Variants in CTTNBP2 observed in about 807,000 individuals in gnomAD.
CTTNBP2 encodes the protein cortactin binding protein 2, also known as cortactin-binding protein 2.
A neutral mutation model predicts 156.9 loss-of-function variants in CTTNBP2; 108 were observed. The observed-to-expected ratio is 0.69, with a 90% CI of 0.59 to 0.81. The LOEUF (loss-of-function observed/expected upper bound fraction) is 0.81, where lower values mean the gene tolerates loss of function less well. CTTNBP2 is among the 30% of genes least tolerant of loss of function. The pLI is 0.00. For synonymous variants in CTTNBP2, 767 were observed against 751.8 expected (o/e 1.02, Z -0.33); for missense variants, 1,924 against 2,035.4 (o/e 0.95, Z 1.05).
chr7:117,844,682 TTGA>T (rs2117154399), intron 2 of CTTNBP2, among the ~76,000 whole-genome samples: 1 of 152,232 alleles, frequency 6.6e-6, no homozygotes, highest in East Asian at 1.9e-4. Flanking sequence ...GAGGAAAAAC[TTGA>T]TGATATCTGA....
chr7:117,869,653 G>T (rs889690694), intron 1 of CTTNBP2, among the ~76,000 whole-genome samples: 6 of 152,116 alleles, frequency 3.9e-5, no homozygotes, highest in African/African-American at 1.2e-4. Flanking sequence ...TCTAGCCCAG[G>T]CATGGATTCA....
At chr7:117,757,528 TAAAAAAAAAAAAA>T (rs56687697) in intron 11 of CTTNBP2, among the ~76,000 whole-genome samples, 2 of 91,436 alleles carry the variant, frequency 2.2e-5, no homozygotes, top group African/African-American at 3.8e-5. Flanking sequence ...TTAAGCACAG[TAAAAAAAAAAAAA>T]AAAAAAAAAA....
At chr7:117,722,337 C>A (rs1332961242) in intron 19 of CTTNBP2, among the ~76,000 whole-genome samples, 6 of 151,060 alleles carry the variant, frequency 4.0e-5, no homozygotes, top group African/African-American at 2.4e-5. Context: ...AAAAATTTAC[C>A]ATTATAAAAA....
At chr7:117,853,776 C>T (rs564565326) in intron 2 of CTTNBP2, among the ~76,000 whole-genome samples, 1 of 152,242 alleles carries the variant, frequency 6.6e-6, no homozygotes, top group East Asian at 1.9e-4. Flanking sequence ...GTGTGTTCTC[C>T]TTACATATAT....
chr7:117,722,792 T>C (rs1015389955), intron 19 of CTTNBP2, among the ~76,000 whole-genome samples: 1 of 152,318 alleles, frequency 6.6e-6, no homozygotes. Context: ...TACCCATAGA[T>C]CACTGCACGT....
In CTTNBP2 at chr7:117,873,315, C is replaced by A. The variant is rs1291970499; in HGVS notation, c.81+20G>T. 1.7e-5 allele frequency: 25 copies of A among 1,430,000 alleles called. No individual in the cohort carries two copies. The highest frequency in any genetic ancestry group is 2.1e-5 in the Non-Finnish European group (23 of 1,094,980). The allele number at this position is 1,430,000 out of a possible 1,614,324, so 88.6% of individuals were successfully genotyped here. ...CCCGCGTCTACACTAGCCCCGCGCC[C>A]GCCCCGGGAACTCGGTTACCGCCGC... On this transcript the variant is annotated intron_variant, in intron 1 of 22. Transcript: ENST00000160373.
Position 117,806,851 on chromosome 7 carries a change from C to A in CTTNBP2, c.414+3914G>T, listed in dbSNP as rs1000816379. On this transcript the variant is annotated intron_variant, in intron 3 of 22. Coordinates refer to ENST00000160373, the MANE Select transcript of CTTNBP2 (RefSeq NM_033427.3). Reference sequence around the variant, plus strand: ...TCGGCTCACTGTGAGCTCTGCCTCCCAGGGTCAAGCAATTCTCTTCCCTCA... The same window carrying A: ...TCGGCTCACTGTGAGCTCTGCCTCCAAGGGTCAAGCAATTCTCTTCCCTCA... 4.6e-5 allele frequency among the ~76,000 whole-genome samples: 7 copies of A among 150,858 alleles called. No individual in the cohort carries two copies. The East Asian group carries it at 1.2e-3, about 25-fold the overall frequency.
At chr7:117,864,631 AAT>A (rs1190242485) in intron 1 of CTTNBP2, among the ~76,000 whole-genome samples, 1 of 148,572 alleles carries the variant, frequency 6.7e-6, no homozygotes, top group Non-Finnish European at 1.5e-5. Flanking sequence ...TTTTTGTTAG[AAT>A]ATATATATTC....
At chr7:117,739,475 A>T (rs1213043804) in intron 14 of CTTNBP2, among the ~76,000 whole-genome samples, 1 of 152,202 alleles carries the variant, frequency 6.6e-6, no homozygotes, top group Non-Finnish European at 1.5e-5. Flanking sequence ...AGGCTCTCTC[A>T]GCCCTGCTCC....
chr7:117,776,797 G>T (rs1463492220), intron 8 of CTTNBP2, among the ~76,000 whole-genome samples: 1 of 151,974 alleles, frequency 6.6e-6, no homozygotes, highest in African/African-American at 2.4e-5. Flanking sequence ...TTTTTTATGT[G>T]TGCTTTTCTT....
At chr7:117,733,412 G>T (rs993152347) in intron 16 of CTTNBP2, among the ~76,000 whole-genome samples, 8 of 152,152 alleles carry the variant, frequency 5.3e-5, no homozygotes, top group African/African-American at 1.9e-4. Flanking sequence ...CGGGAGAGGG[G>T]TATACTTTAC....
At chr7:117,859,729 G>A (rs1025073209) in intron 2 of CTTNBP2, among the ~76,000 whole-genome samples, 2 of 152,162 alleles carry the variant, frequency 1.3e-5, no homozygotes, top group African/African-American at 4.8e-5. Flanking sequence ...ATGAATATAA[G>A]CAAACTGCAA....
At chr7:117,713,368 G>T (rs1794166403) in intron 22 of CTTNBP2, among the ~76,000 whole-genome samples, 1 of 152,002 alleles carries the variant, frequency 6.6e-6, no homozygotes, top group African/African-American at 2.4e-5. Context: ...TCACCTATAT[G>T]TCTAGCCACA....
intron 1 of CTTNBP2, among the ~76,000 whole-genome samples, chr7:117,863,874 G>C (rs753685162): frequency 2.6e-5 from 4 of 152,122 alleles, no homozygotes; most frequent in Non-Finnish European, 4.4e-5. Flanking sequence ...TGAAAGACAG[G>C]CTCTTTTATC....
Position 117,757,986 on chromosome 7 carries a change from GAAATA to G in CTTNBP2, c.3173-21_3173-17del. 1 of 1,596,500 alleles carries G rather than the reference GAAATA, an allele frequency of 6.3e-7. No homozygotes were observed. Among genetic ancestry groups the G allele is most frequent in the Non-Finnish European group, 8.6e-7 (1 of 1,167,174 alleles). On this transcript the variant is annotated splice_polypyrimidine_tract_variant and intron_variant, in intron 10 of 22. Transcript: ENST00000160373. ...GGCACATTTCCTAGTTTCAAAAAAT[GAAATA>G]AAATGTCAAGGGAAGCTTATGAGTG...
intron 3 of CTTNBP2, among the ~76,000 whole-genome samples, chr7:117,795,931 T>A (rs1799288663): frequency 6.6e-6 from 1 of 152,136 alleles, no homozygotes. Context: ...TCTACCTAAC[T>A]TTATTTAGCT....
chr7:117,713,560 A>G lies in CTTNBP2; in HGVS notation c.4747-1778T>C, dbSNP rs561370492. Among the ~76,000 whole-genome samples the G allele has an allele frequency of 2.0e-5, 3 of 152,304 alleles. No individual in the cohort carries two copies. The East Asian group carries it at 5.8e-4, about 29-fold the overall frequency. ...CCAACCTAATCCAATGTTACCCACA[A>G]AATGGGCAGAGAATTATGGCTGTGT... On this transcript the variant is annotated intron_variant, in intron 22 of 22. Transcript: ENST00000160373.
In CTTNBP2 at chr7:117,757,000, T is replaced by C. The variant is rs183507999; in HGVS notation, c.3269-366A>G. On this transcript the variant is annotated intron_variant, in intron 11 of 22. Transcript: ENST00000160373. ...TTTTACAGTTCATAAGTAAAAGTTA[T>C]CATAGATCATTGCAATCCTCAGAAA... 4.6e-3 allele frequency among the ~76,000 whole-genome samples: 702 copies of C among 152,326 alleles called. 3 individuals are homozygous for C. Among genetic ancestry groups the C allele is most frequent in the Non-Finnish European group, 7.7e-3 (527 of 68,038 alleles).
chr7:117,762,057 G>A (rs980440511), intron 9 of CTTNBP2, among the ~76,000 whole-genome samples: 6 of 151,966 alleles, frequency 3.9e-5, no homozygotes, highest in East Asian at 1.9e-4. Context: ...CTCCTCGGTC[G>A]CTCTTTAATG....
Sources: gnomAD v4.1 joint callset for allele counts (sites outside exome capture counted in the v4.1 genomes callset) on GRCh38, gnomAD v4.1.1 for gene constraint, MANE v1.5 for transcripts, NCBI Gene and HGNC (gene_info 2026-07-23, HGNC 2026-07-21) for gene names.